Variants in KIF21A observed in about 807,000 individuals in gnomAD.
KIF21A encodes the protein kinesin family member 21A, also known as kinesin-like protein KIF21A.
KIF21A carries 114 observed loss-of-function variants against 202.9 expected under a neutral mutation model. The observed-to-expected ratio is 0.56, with a 90% confidence interval of 0.48 to 0.66. The LOEUF is 0.66. Ranked by LOEUF, KIF21A falls within the 30% of genes least tolerant of loss-of-function variation. KIF21A has a pLI of 0.00. For synonymous variants in KIF21A, 667 were observed against 670.8 expected, an observed-to-expected ratio of 0.99 and a Z score of 0.09; for missense variants, 1,677 against 1,994.9, an observed-to-expected ratio of 0.84 and a Z score of 3.04.
At chr12:39,385,404 G>A (rs1950878354) in intron 1 of KIF21A, among the ~76,000 whole-genome samples, 1 of 152,076 alleles carries the variant, frequency 6.6e-6, no homozygotes, top group African/African-American at 2.4e-5. Flanking sequence ...AGTTTTATAA[G>A]CCCAACTACC....
Position 39,341,511 on chromosome 12 carries a change from CATCTGATTCAGA to C in KIF21A, c.1903_1914del (p.Ser635_Asp638del). 6.2e-7 allele frequency: 1 copy of C among 1,613,076 alleles called. No homozygotes were observed. The highest frequency in any genetic ancestry group is 8.5e-7 in the Non-Finnish European group (1 of 1,179,638). ...TATACCAAAGGGCAAGTACCTTTTT[CATCTGATTCAGA>C]ATCTGATTCATCAGAACTTTCACCC... On this transcript the variant is annotated inframe_deletion, in exon 14 of 38. Coordinates refer to ENST00000361418, the MANE Select transcript of KIF21A (RefSeq NM_001173464.2).
At chr12:39,419,880 A>T (rs913699560) in intron 1 of KIF21A, among the ~76,000 whole-genome samples, 1 of 152,086 alleles carries the variant, frequency 6.6e-6, no homozygotes, top group Non-Finnish European at 1.5e-5. Flanking sequence ...TGGCATCTCC[A>T]TTCGGCAGAA....
chr12:39,303,194 T>A (rs902182013), intron 35 of KIF21A, 59 bp from the exon 36 acceptor site: 8 of 1,433,030 alleles, frequency 5.6e-6, no homozygotes, highest in Non-Finnish European at 7.9e-6. Context: ...CACCAATATT[T>A]GTACAGTCCT....
chr12:39,404,325 T>C (rs1229448990), intron 1 of KIF21A, among the ~76,000 whole-genome samples: 3 of 152,192 alleles, frequency 2.0e-5, no homozygotes, highest in African/African-American at 7.2e-5. Context: ...AAGACTACCT[T>C]TTCCAACTGA....
chr12:39,400,756 A>C (rs1952110926), intron 1 of KIF21A, among the ~76,000 whole-genome samples: 1 of 152,190 alleles, frequency 6.6e-6, no homozygotes, highest in Non-Finnish European at 1.5e-5. Context: ...AGAAAGGCTG[A>C]TTTAGGCTGA....
Position 39,442,202 on chromosome 12 carries a change from A to G in KIF21A, c.44+725T>C, listed in dbSNP as rs1939735820. Among the ~76,000 whole-genome samples, 1 of 152,088 alleles carries G rather than the reference A, an allele frequency of 6.6e-6. No individual in the cohort carries two copies. The highest frequency in any genetic ancestry group is 2.4e-5 in the African/African-American group (1 of 41,388). ...TGTATCCACCCTGCCTAATGTCAGT[A>G]TGTTTCACACAGTCACCCATTTCAC... On this transcript the variant is annotated intron_variant, in intron 1 of 37. Transcript: ENST00000361418. The surrounding 1 kb of genome is among the most constrained non-coding windows in gnomAD (Gnocchi z 5.0).
chr12:39,396,641 G>T (rs12230604), intron 1 of KIF21A, among the ~76,000 whole-genome samples: 45,136 of 151,994 alleles, frequency 0.3, 8,457 homozygotes, highest in African/African-American at 0.53. Context: ...GAATACTTAC[G>T]ATAACTCCCT....
chr12:39,325,188 C>A (rs2137863884), intron 26 of KIF21A, among the ~76,000 whole-genome samples: 1 of 152,226 alleles, frequency 6.6e-6, no homozygotes, highest in East Asian at 1.9e-4. Context: ...TTAAAAATCT[C>A]CTGCCAATCT....
Position 39,370,082 on chromosome 12 carries a change from C to T in KIF21A, c.224G>A (p.Gly75Asp). The T allele has an allele frequency of 1.9e-6, 3 of 1,613,832 alleles. No individual in the cohort carries two copies. The highest frequency in any genetic ancestry group is 2.5e-6 in the Non-Finnish European group (3 of 1,179,832). ...YIQCIEKLIE[G>D]CFEGYNATVF... Reference sequence around the variant, plus strand: ...TGTAGCATTGTATCCTTCAAAGCAACCTTCAATTAGTTTTTCTATACATTG... The same window carrying T: ...TGTAGCATTGTATCCTTCAAAGCAATCTTCAATTAGTTTTTCTATACATTG... Residue 75 changes from glycine to aspartate, a missense_variant, in exon 2 of 38, where the codon GGT becomes GAT. Physicochemically the swap from Gly to Asp is moderately conservative, Grantham distance 94. Around this residue, in one of 3 missense-constraint regions of KIF21A, gnomAD observed 966 missense variants for 1,180.9 expected, o/e 0.82. Transcript: ENST00000361418.
chr12:39,336,139 G>T (rs1162359331), intron 17 of KIF21A, among the ~76,000 whole-genome samples: 2 of 152,020 alleles, frequency 1.3e-5, no homozygotes, highest in East Asian at 1.9e-4. Flanking sequence ...GACTAGTCTA[G>T]AACTCCTGGG....
chr12:39,392,417 T>C (rs1951437310), intron 1 of KIF21A, among the ~76,000 whole-genome samples: 1 of 152,130 alleles, frequency 6.6e-6, no homozygotes, highest in Non-Finnish European at 1.5e-5. Context: ...CAGTGATGTG[T>C]GTGGTGCTTT....
Position 39,322,652 on chromosome 12 carries a change from G to T in KIF21A, c.3671+16C>A. On this transcript the variant is annotated intron_variant, in intron 27 of 37. Coordinates refer to ENST00000361418, the MANE Select transcript of KIF21A (RefSeq NM_001173464.2). ...AGCCAAAAGAAAAGAAGTTAGTGTA[G>T]CTGGGCCAAACTTACATGCTGCCTA... 1 of 1,605,048 alleles carries T rather than the reference G, an allele frequency of 6.2e-7. No homozygotes were observed. Among genetic ancestry groups the T allele is most frequent in the South Asian group, 1.1e-5 (1 of 90,904 alleles).
intron 10 of KIF21A, among the ~76,000 whole-genome samples, chr12:39,355,070 T>A (rs1007807035): frequency 1.3e-5 from 2 of 152,102 alleles, no homozygotes; most frequent in African/African-American, 4.8e-5. Context: ...TCCCCAGGGG[T>A]GGGACACACC....
chr12:39,296,715 G>C (rs1942409094), intron 37 of KIF21A, among the ~76,000 whole-genome samples: 1 of 152,202 alleles, frequency 6.6e-6, no homozygotes, highest in Non-Finnish European at 1.5e-5. Flanking sequence ...AGTGGCTTTG[G>C]AATGTTCAAG....
At chr12:39,346,261 T>C (rs903910273) in intron 12 of KIF21A, among the ~76,000 whole-genome samples, 6 of 152,216 alleles carry the variant, frequency 3.9e-5, no homozygotes, top group African/African-American at 1.4e-4. Context: ...AATTCAAGTA[T>C]CTAGTGAAGA....
At position 39,305,011 on chromosome 12, in the gene KIF21A, C is replaced by T. The variant is rs113883947; in HGVS notation, c.4443-73G>A. The T allele has an allele frequency of 2.6e-4, 193 of 746,548 alleles. 1 individual carries two copies. The African/African-American group carries it at 3.0e-3, about 11-fold the overall frequency. 46.2% of individuals were successfully genotyped at this position (746,548 alleles called of 1,614,324 possible). ...TGATGGGACTAAGCCTCAACATAAA[C>T]GATCTACATTCTTTCATAAAATAAT... On this transcript the variant is annotated intron_variant, in intron 34 of 37. Coordinates refer to ENST00000361418, the MANE Select transcript of KIF21A (RefSeq NM_001173464.2).
At chr12:39,365,612 A>G (rs541156978) in intron 6 of KIF21A, among the ~76,000 whole-genome samples, 1 of 150,302 alleles carries the variant, frequency 6.7e-6, no homozygotes, top group South Asian at 2.1e-4. Flanking sequence ...ATTTTGAAAC[A>G]ATCATTACTA....
chr12:39,349,306 T>G (rs181048542), intron 11 of KIF21A, among the ~76,000 whole-genome samples: 5 of 152,254 alleles, frequency 3.3e-5, no homozygotes, highest in Admixed American at 3.3e-4. Context: ...TTGGACATCA[T>G]GTATTTACAA....
chr12:39,358,611 T>TGTATG (rs1299997461), intron 7 of KIF21A, among the ~76,000 whole-genome samples: 2 of 152,362 alleles, frequency 1.3e-5, no homozygotes, highest in Admixed American at 1.3e-4. Context: ...CATACATTTA[T>TGTATG]TTCTTACCTC....
Sources: gnomAD v4.1 joint callset for allele counts (sites outside exome capture counted in the v4.1 genomes callset) on GRCh38, gnomAD v4.1.1 for gene constraint, gnomAD v4.1.1 regional missense constraint, Gnocchi (gnomAD v3.1) non-coding constraint, MANE v1.5 for transcripts, NCBI Gene and HGNC (gene_info 2026-07-23, HGNC 2026-07-21) for gene names.